PTPRD: variants seen among roughly 807,000 people sequenced by gnomAD.
PTPRD encodes the protein protein tyrosine phosphatase receptor type D, also known as receptor-type tyrosine-protein phosphatase delta.
Under a neutral mutation model 214.5 loss-of-function variants are expected in PTPRD, and 34 were observed. The observed-to-expected ratio is 0.16, with a 90% CI of 0.12 to 0.21. The LOEUF (loss-of-function observed/expected upper bound fraction) is 0.21, where lower values mean the gene tolerates loss of function less well. PTPRD is among the 10% of genes least tolerant of loss of function. The pLI is 1.00. For missense variants in PTPRD, 2,545 were observed against 2,398.7 expected (o/e 1.06, Z -1.27); for synonymous variants, 1,128 against 845.7 (o/e 1.33, Z -5.79).
At chr9:8,848,203 G>GT (rs753488426) in intron 11 of PTPRD, among the ~76,000 whole-genome samples, 3 of 151,200 alleles carry the variant, frequency 2.0e-5, no homozygotes, top group African/African-American at 4.9e-5. Context: ...AACCCCTTTG[G>GT]TAAAAAAATG....
At chr9:9,551,582 T>A (rs896648315) in intron 8 of PTPRD, among the ~76,000 whole-genome samples, 1 of 151,980 alleles carries the variant, frequency 6.6e-6, no homozygotes, top group African/African-American at 2.4e-5. Context: ...GAGTACAGGC[T>A]GAAGATATTA....
intron 9 of PTPRD, among the ~76,000 whole-genome samples, chr9:9,346,502 G>A (rs2048859720): frequency 6.6e-6 from 1 of 152,086 alleles, no homozygotes; most frequent in Admixed American, 6.6e-5. Flanking sequence ...TATGAGTGAT[G>A]CTTATTTCCA....
intron 2 of PTPRD, among the ~76,000 whole-genome samples, chr9:10,356,658 T>C (rs1283055039): frequency 6.6e-6 from 1 of 152,132 alleles, no homozygotes; most frequent in African/African-American, 2.4e-5. Flanking sequence ...TTATGGCTCA[T>C]GTATTCATAA....
At chr9:8,532,425 C>T (rs1238635215) in intron 14 of PTPRD, among the ~76,000 whole-genome samples, 1 of 151,914 alleles carries the variant, frequency 6.6e-6, no homozygotes, top group Non-Finnish European at 1.5e-5. Context: ...TTTGACGGCT[C>T]CTCAAATGTG....
intron 8 of PTPRD, among the ~76,000 whole-genome samples, chr9:9,490,234 C>G (rs942720313): frequency 2.6e-5 from 4 of 151,932 alleles, no homozygotes; most frequent in Admixed American, 2.0e-4. Flanking sequence ...TACCACTAAA[C>G]CTACCCTGCA....
intron 11 of PTPRD, among the ~76,000 whole-genome samples, chr9:8,841,681 G>A (rs2097560436): frequency 8.1e-6 from 1 of 124,124 alleles, no homozygotes; most frequent in South Asian, 2.8e-4. Flanking sequence ...TATAAAACTG[G>A]AGGTACATAC....
chr9:9,779,697 A>G (rs1418607965), intron 5 of PTPRD, among the ~76,000 whole-genome samples: 1 of 152,222 alleles, frequency 6.6e-6, no homozygotes, highest in Admixed American at 6.5e-5. Flanking sequence ...TTAAAAAGTC[A>G]ATAAACAACA....
intron 43 of PTPRD, among the ~76,000 whole-genome samples, chr9:8,333,384 A>T (rs1843359629): frequency 6.6e-6 from 1 of 152,152 alleles, no homozygotes; most frequent in South Asian, 2.1e-4. Context: ...AGACTGCCTG[A>T]CTTCATTTAA....
intron 3 of PTPRD, among the ~76,000 whole-genome samples, chr9:10,175,417 TA>T (rs1396501509): frequency 5.9e-5 from 9 of 152,032 alleles, no homozygotes; most frequent in Non-Finnish European, 1.0e-4. Context: ...TATCTAAATT[TA>T]AAAACATAAG....
At chr9:9,416,813 G>C (rs1190376785) in intron 8 of PTPRD, among the ~76,000 whole-genome samples, 1 of 152,136 alleles carries the variant, frequency 6.6e-6, no homozygotes, top group East Asian at 1.9e-4. Context: ...GCAGAATAAA[G>C]CCATAAACCA....
chr9:9,497,488 C>A (rs2096244721), intron 8 of PTPRD, among the ~76,000 whole-genome samples: 1 of 152,068 alleles, frequency 6.6e-6, no homozygotes, highest in Non-Finnish European at 1.5e-5. Flanking sequence ...CTCCAACATG[C>A]ACAATATTGA....
chr9:9,736,415 A>G (rs928872093), intron 6 of PTPRD, among the ~76,000 whole-genome samples: 2 of 152,014 alleles, frequency 1.3e-5, no homozygotes, highest in Admixed American at 1.3e-4. Context: ...ATATTCCACA[A>G]TTTACATATT....
intron 5 of PTPRD, among the ~76,000 whole-genome samples, chr9:9,882,772 T>C (rs925588503): frequency 1.8e-4 from 28 of 152,228 alleles, no homozygotes; most frequent in African/African-American, 6.5e-4. Context: ...ATTTGGATAT[T>C]TGTCCCCTCC....
chr9:9,087,748 A>G (rs1488347655), intron 10 of PTPRD, among the ~76,000 whole-genome samples: 1 of 152,108 alleles, frequency 6.6e-6, no homozygotes, highest in East Asian at 1.9e-4. Context: ...TTTTAAATTC[A>G]AAGTCATTAT....
chr9:8,588,771 T>G (rs746377572), intron 14 of PTPRD, among the ~76,000 whole-genome samples: 2 of 152,190 alleles, frequency 1.3e-5, no homozygotes, highest in Non-Finnish European at 2.9e-5. Flanking sequence ...TTATTGATTT[T>G]GCCTCAATTT....
chr9:9,861,970 T>C (rs1028668231), intron 5 of PTPRD, among the ~76,000 whole-genome samples: 1 of 152,226 alleles, frequency 6.6e-6, no homozygotes, highest in African/African-American at 2.4e-5. Flanking sequence ...ATTTCCATTT[T>C]TTATTATGAG....
intron 7 of PTPRD, among the ~76,000 whole-genome samples, chr9:9,575,772 AAAGAAAG>A (rs1245553729): frequency 8.3e-6 from 1 of 120,706 alleles, no homozygotes; most frequent in Non-Finnish European, 1.7e-5. Flanking sequence ...AAAAAAAGAA[AAAGAAAG>A]AAAAAGAAAA....
chr9:8,766,921 G>A (rs1014113016), intron 11 of PTPRD, among the ~76,000 whole-genome samples: 22 of 152,184 alleles, frequency 1.4e-4, no homozygotes, highest in African/African-American at 4.6e-4. Context: ...CATAGGTTTC[G>A]CATAAGGTCA....
intron 32 of PTPRD, 96 bp downstream of exon 32, chr9:8,465,370 T>G (rs1414458445): frequency 1.8e-6 from 2 of 1,103,832 alleles, no homozygotes; most frequent in Non-Finnish European, 2.7e-6. Context: ...TGAGAAATAA[T>G]GAGGATGGAT....
Sources: gnomAD v4.1 joint callset for allele counts (sites outside exome capture counted in the v4.1 genomes callset) on GRCh38, gnomAD v4.1.1 for gene constraint, MANE v1.5 for transcripts, NCBI Gene and HGNC (gene_info 2026-07-23, HGNC 2026-07-21) for gene names.